Variants in CAGE1 observed in about 807,000 individuals in gnomAD.
CAGE1 encodes the protein cancer-associated gene 1 protein.
CAGE1 carries 66 observed loss-of-function variants against 94.9 expected under a neutral mutation model. That is an observed-to-expected ratio of 0.70 (90% CI 0.57 to 0.85). CAGE1 has a LOEUF of 0.85. Among genes scored for constraint, CAGE1 ranks in the 40% least tolerant of loss-of-function variants. The pLI is 0.00. For missense variants in CAGE1, 865 were observed against 950.4 expected (o/e 0.91, Z 1.18); for synonymous variants, 319 against 321.0 (o/e 0.99, Z 0.07).
intron 9 of CAGE1, among the ~76,000 whole-genome samples, chr6:7,356,469 T>C (rs1214332820): frequency 6.6e-6 from 1 of 152,196 alleles, no homozygotes; most frequent in Non-Finnish European, 1.5e-5. Context: ...CATATTTGAC[T>C]CTATATGAAG....
chr6:7,373,982 T>C lies in CAGE1; in HGVS notation c.837A>G (p.Ala279=). The C allele has an allele frequency of 6.2e-7, 1 of 1,614,054 alleles. No individual in the cohort carries two copies. The highest frequency in any genetic ancestry group is 1.3e-5 in the African/African-American group (1 of 75,072). The change falls in exon 5 of 14, where the codon GCA becomes GCG. Residue 279 remains alanine, a synonymous_variant. Coordinates refer to ENST00000502583, the MANE Select transcript of CAGE1 (RefSeq NM_001170692.2). ...CAGGCATCTCACAGTTCTCCCGACA[T>C]GCTTCACTCCTCCAGGAAATGCCTG... is the stretch of plus-strand genomic sequence containing the variant. The part of the protein sequence containing the change: ...SSAGISWRSE[A]CRENCEMPDW...
chr6:7,386,694 C>G (rs532621579), intron 2 of CAGE1, among the ~76,000 whole-genome samples: 12 of 152,308 alleles, frequency 7.9e-5, no homozygotes, highest in African/African-American at 2.9e-4. Context: ...TCAAGTGATT[C>G]TCCTGTCTCA....
intron 11 of CAGE1, among the ~76,000 whole-genome samples, chr6:7,344,494 C>G (rs1333821528): frequency 6.6e-6 from 1 of 152,258 alleles, no homozygotes; most frequent in Non-Finnish European, 1.5e-5. Flanking sequence ...ATGCCTGAGC[C>G]TCGCAACCCC....
chr6:7,329,337 A>C (rs1451021198), intron 13 of CAGE1: 1 of 354,518 alleles, frequency 2.8e-6, no homozygotes, highest in East Asian at 4.1e-5. Flanking sequence ...AATATGCATG[A>C]TGAGAAGGAG....
intron 11 of CAGE1, among the ~76,000 whole-genome samples, chr6:7,340,581 A>G (rs7747068): frequency 0.011 from 1,723 of 152,306 alleles, 29 homozygotes; most frequent in African/African-American, 0.039. Context: ...CATATATAAT[A>G]TCTAGCAAAC....
chr6:7,365,718 C>G, intron 8 of CAGE1, 86 bp downstream of exon 8: 1 of 1,328,292 alleles, frequency 7.5e-7, no homozygotes, highest in Non-Finnish European at 1.0e-6. Context: ...ACTAGAAGTA[C>G]TTCAACAAAT....
In CAGE1 at chr6:7,385,882, T is replaced by A; in HGVS notation, c.196-10A>T. On this transcript the variant is annotated splice_polypyrimidine_tract_variant and intron_variant, in intron 2 of 13. Coordinates refer to ENST00000502583, the MANE Select transcript of CAGE1 (RefSeq NM_001170692.2). ...AATTCTTTATTTCGTTCTGTATTAA[T>A]AAAAAAGGCATCAATACTTCAAGCA... 1 of 1,434,578 alleles carries A rather than the reference T, an allele frequency of 7.0e-7. No individual in the cohort carries two copies. The highest frequency in any genetic ancestry group is 9.4e-7 in the Non-Finnish European group (1 of 1,059,858). 88.9% of individuals were successfully genotyped at this position (1,434,578 alleles called of 1,614,324 possible).
intron 11 of CAGE1, chr6:7,341,006 G>T: frequency 2.2e-6 from 1 of 452,114 alleles, no homozygotes; most frequent in South Asian, 1.8e-5. Context: ...GAGAGGAGCT[G>T]TTGCTCTTCA....
At chr6:7,346,065 T>C (rs1223395796) in intron 11 of CAGE1, among the ~76,000 whole-genome samples, 1 of 152,234 alleles carries the variant, frequency 6.6e-6, no homozygotes, top group Non-Finnish European at 1.5e-5. Context: ...TGATAATTTT[T>C]TTTAAATTTT....
chr6:7,328,625 G>C (rs551484837), intron 13 of CAGE1, among the ~76,000 whole-genome samples: 1 of 152,236 alleles, frequency 6.6e-6, no homozygotes, highest in East Asian at 1.9e-4. Flanking sequence ...GGAGGATAGG[G>C]AGAAGTTGGT....
At chr6:7,370,497 A>G (rs1386972622) in intron 5 of CAGE1, among the ~76,000 whole-genome samples, 1 of 152,088 alleles carries the variant, frequency 6.6e-6, no homozygotes, top group African/African-American at 2.4e-5. Flanking sequence ...GGGTCTCACC[A>G]TGTTGCCCAG....
chr6:7,338,964 T>C (rs1759068355), intron 11 of CAGE1: 1 of 1,609,886 alleles, frequency 6.2e-7, no homozygotes, highest in African/African-American at 1.3e-5. Context: ...AGGCAGGGGC[T>C]TCTTAGGGCC....
intron 3 of CAGE1, among the ~76,000 whole-genome samples, chr6:7,379,453 G>A (rs2113465925): frequency 6.6e-6 from 1 of 152,282 alleles, no homozygotes; most frequent in Admixed American, 6.5e-5. Flanking sequence ...TTACAGATAA[G>A]GAAACTGAAG....
intron 13 of CAGE1, among the ~76,000 whole-genome samples, chr6:7,329,519 AC>A (rs2113336230): frequency 6.6e-6 from 1 of 152,272 alleles, no homozygotes; most frequent in African/African-American, 2.4e-5. Flanking sequence ...CACTCTGTCT[AC>A]TCTATGGAGG....
At position 7,348,884 on chromosome 6, in the gene CAGE1, T is replaced by G. The variant is rs76976540; in HGVS notation, c.2369+6157A>C. 5.3e-5 allele frequency among the ~76,000 whole-genome samples: 8 copies of G among 152,166 alleles called. No homozygotes were observed. The South Asian group carries it at 1.5e-3, about 28-fold the overall frequency. On this transcript the variant is annotated intron_variant, in intron 11 of 13. Transcript: ENST00000502583. ...ACAAAGAAAAAAGAAAAAGAAAATA[T>G]GAACAAAGCCTCCAAGAAGTCTGGG... is the stretch of plus-strand genomic sequence containing the variant.
chr6:7,360,634 T>A (rs540876868), intron 9 of CAGE1, among the ~76,000 whole-genome samples: 1 of 152,226 alleles, frequency 6.6e-6, no homozygotes, highest in East Asian at 1.9e-4. Flanking sequence ...GGTTTTGAGG[T>A]TGTGTACATA....
At chr6:7,329,129 C>G (rs916453472) in intron 13 of CAGE1, 1 of 353,088 alleles carries the variant, frequency 2.8e-6, no homozygotes, top group Admixed American at 4.8e-5. Context: ...GACGAGGGTT[C>G]CCCATGTTGG....
chr6:7,371,885 T>C (rs1369120542), intron 5 of CAGE1, among the ~76,000 whole-genome samples: 1 of 152,226 alleles, frequency 6.6e-6, no homozygotes, highest in Non-Finnish European at 1.5e-5. Flanking sequence ...AAGATTTTAC[T>C]ATACATACTT....
At position 7,373,466 on chromosome 6, in the gene CAGE1, C is replaced by T. The variant is rs982338363; in HGVS notation, c.1353G>A (p.Glu451=). 1.9e-6 allele frequency: 3 copies of T among 1,613,678 alleles called. No individual in the cohort carries two copies. The highest frequency in any genetic ancestry group is 2.2e-5 in the East Asian group (1 of 44,876). ...TTTTGAGTTGTTGTAGTCTCTCTAC[C>T]TCTTCTTCTTTCTTGCTTAAGGTTT... ...MDKTLSKKEE[E]VERLQQLKKE... Residue 451 remains glutamate (E), a synonymous_variant, in exon 5 of 14, where the codon GAG becomes GAA. Coordinates refer to ENST00000502583, the MANE Select transcript of CAGE1 (RefSeq NM_001170692.2).
Sources: allele counts gnomAD v4.1 joint callset (sites outside exome capture counted in the v4.1 genomes callset), GRCh38; gene constraint gnomAD v4.1.1; transcripts MANE v1.5; gene names NCBI Gene and HGNC (gene_info 2026-07-23, HGNC 2026-07-21).